The following DPYSL3 variants were observed in gnomAD, a reference collection of about 807,000 sequenced individuals.
The protein encoded by DPYSL3 is dihydropyrimidinase like 3.
In DPYSL3, 16 loss-of-function variants were observed where a neutral mutation model predicts 66.1. The ratio of observed to expected loss-of-function variants is 0.24; its 90% CI spans 0.16 to 0.37. The LOEUF is 0.37. DPYSL3 is among the 10% of genes least tolerant of loss of function. The pLI, the probability that DPYSL3 is intolerant of heterozygous loss-of-function variation, is 1.00. For synonymous variants in DPYSL3, 338 were observed against 345.1 expected, an observed-to-expected ratio of 0.98 and a Z score of 0.23; for missense variants, 738 against 916.2, an observed-to-expected ratio of 0.81 and a Z score of 2.51.
intron 11 of DPYSL3, among the ~76,000 whole-genome samples, chr5:147,398,812 C>T (rs1758075573): frequency 6.6e-6 from 1 of 152,166 alleles, no homozygotes; most frequent in African/African-American, 2.4e-5. Context: ...AGGTCATGTT[C>T]CCCTGTCTCA....
chr5:147,401,241 C>T (rs940988242), intron 9 of DPYSL3, among the ~76,000 whole-genome samples: 15 of 152,174 alleles, frequency 9.9e-5, no homozygotes, highest in African/African-American at 3.1e-4. Context: ...GAGTGCCTCA[C>T]TCATAAAGTT....
intron 3 of DPYSL3, among the ~76,000 whole-genome samples, chr5:147,416,775 T>C (rs1170408664): frequency 2.0e-5 from 3 of 152,222 alleles, no homozygotes; most frequent in African/African-American, 7.2e-5. Context: ...CAAGGATGTT[T>C]GCTACTTATT....
intron 3 of DPYSL3, among the ~76,000 whole-genome samples, chr5:147,416,429 G>A (rs1158936696): frequency 6.6e-6 from 1 of 152,162 alleles, no homozygotes; most frequent in African/African-American, 2.4e-5. Context: ...TACTGGGCCC[G>A]CAGATCTTAT....
intron 1 of DPYSL3, among the ~76,000 whole-genome samples, chr5:147,497,459 A>G (rs1753536595): frequency 6.6e-6 from 1 of 152,176 alleles, no homozygotes. Flanking sequence ...ATGAACAAAG[A>G]TGCAAAAATC....
intron 1 of DPYSL3, among the ~76,000 whole-genome samples, chr5:147,465,085 T>G (rs2126415508): frequency 6.6e-6 from 1 of 152,278 alleles, no homozygotes; most frequent in South Asian, 2.1e-4. Flanking sequence ...TTCCAGCTAC[T>G]TGGGAGGCTA....
rs944396722 is a variant in DPYSL3, at chr5:147,476,696, T to G, written c.381+32782A>C. 3.9e-5 allele frequency among the ~76,000 whole-genome samples: 6 copies of G among 152,220 alleles called. No homozygotes were observed. In the South Asian group the frequency reaches 6.2e-4, roughly 16 times the overall value. On this transcript the variant is annotated intron_variant, in intron 1 of 13. Coordinates refer to ENST00000343218, the MANE Select transcript of DPYSL3 (RefSeq NM_001197294.2). ...GTGATGACATGGAGCTTATTTTTCTTGGCCAATGTTCTTGATGGAGTATTG... is the reference window on the plus strand; with the variant it reads ...GTGATGACATGGAGCTTATTTTTCTGGGCCAATGTTCTTGATGGAGTATTG...
chr5:147,409,265 T>C (rs1424574702), intron 6 of DPYSL3, among the ~76,000 whole-genome samples: 1 of 152,258 alleles, frequency 6.6e-6, no homozygotes, highest in Non-Finnish European at 1.5e-5. Flanking sequence ...AATTTAGTGC[T>C]ATGTTTCCCG....
chr5:147,495,672 C>A (rs1753490408), intron 1 of DPYSL3, among the ~76,000 whole-genome samples: 1 of 152,080 alleles, frequency 6.6e-6, no homozygotes, highest in African/African-American at 2.4e-5. Context: ...AATAAAATAC[C>A]TAGGAATCCA....
chr5:147,466,589 C>T (rs2126417691), intron 1 of DPYSL3, among the ~76,000 whole-genome samples: 1 of 152,294 alleles, frequency 6.6e-6, no homozygotes, highest in South Asian at 2.1e-4. Context: ...AATGGAAGCA[C>T]ATGTGATTGA....
At chr5:147,474,039 T>C (rs1251013881) in intron 1 of DPYSL3, among the ~76,000 whole-genome samples, 5 of 152,140 alleles carry the variant, frequency 3.3e-5, no homozygotes, top group Non-Finnish European at 7.4e-5. Flanking sequence ...TTTTCTATCC[T>C]GGCTACATAA....
At chr5:147,436,694 G>C (rs967264089) in intron 1 of DPYSL3, among the ~76,000 whole-genome samples, 13 of 152,230 alleles carry the variant, frequency 8.5e-5, no homozygotes, top group Non-Finnish European at 1.6e-4. Context: ...CTGTGGTCCA[G>C]TGTGACAGGA....
At chr5:147,443,196 C>T (rs990105867) in intron 1 of DPYSL3, among the ~76,000 whole-genome samples, 6 of 152,108 alleles carry the variant, frequency 3.9e-5, no homozygotes, top group African/African-American at 1.2e-4. Context: ...CACATGCACA[C>T]GTATGTTTAT....
chr5:147,444,179 A>G (rs1317199606), intron 1 of DPYSL3, among the ~76,000 whole-genome samples: 2 of 152,178 alleles, frequency 1.3e-5, no homozygotes, highest in Non-Finnish European at 1.5e-5. Context: ...CGTGGGGTTA[A>G]GAATGGGGGC....
intron 8 of DPYSL3, among the ~76,000 whole-genome samples, chr5:147,404,982 G>T (rs1475564979): frequency 9.9e-5 from 15 of 152,258 alleles, no homozygotes; most frequent in African/African-American, 3.6e-4. Context: ...CAGTCACAGT[G>T]CTCCTAGGGA....
At chr5:147,432,494 A>C (rs1752333094) in intron 1 of DPYSL3, among the ~76,000 whole-genome samples, 2 of 152,146 alleles carry the variant, frequency 1.3e-5, no homozygotes, top group South Asian at 4.1e-4. Context: ...TGGATGGGGG[A>C]ATGGACTGTG....
At chr5:147,458,185 AC>A (rs1425242988) in intron 1 of DPYSL3, among the ~76,000 whole-genome samples, 1 of 152,186 alleles carries the variant, frequency 6.6e-6, no homozygotes, top group Non-Finnish European at 1.5e-5. Context: ...ATTCTAAGTC[AC>A]AGGATGAGAG....
intron 1 of DPYSL3, among the ~76,000 whole-genome samples, chr5:147,498,949 G>T (rs1753562967): frequency 6.6e-6 from 1 of 152,022 alleles, no homozygotes; most frequent in African/African-American, 2.4e-5. Context: ...ATTAAGTTTT[G>T]CTTTCATTGC....
chr5:147,399,222 C>T lies in DPYSL3; in HGVS notation c.1483G>A (p.Val495Met), dbSNP rs1758094351. 1 of 1,614,094 alleles carries T rather than the reference C, an allele frequency of 6.2e-7. No individual in the cohort carries two copies. Among genetic ancestry groups the T allele is most frequent in the Non-Finnish European group, 8.5e-7 (1 of 1,179,984 alleles). Residue 495 changes from valine to methionine, a missense_variant, in exon 11 of 14, where the codon GTG (valine) becomes ATG (methionine). Val to Met is a conservative substitution (Grantham distance 21). Transcript: ENST00000343218. ...ATGKMDENQF[V>M]AVTSTNAAKI... ...GCAGCGTTTGTGCTTGTCACAGCCA[C>T]GAACTGGTTTTCGTCCATTTTCCCT...
chr5:147,485,916 G>A lies in DPYSL3; in HGVS notation c.381+23562C>T, dbSNP rs1432850. 5.7e-3 allele frequency among the ~76,000 whole-genome samples: 869 copies of A among 152,236 alleles called. 28 individuals carry two copies. Among genetic ancestry groups the A allele is most frequent in the Admixed American group, 0.048 (741 of 15,282 alleles). On this transcript the variant is annotated intron_variant, in intron 1 of 13. Coordinates refer to ENST00000343218, the MANE Select transcript of DPYSL3 (RefSeq NM_001197294.2). Reference sequence around the variant, plus strand: ...AGTGCTTTAAAAAGTGCCTGGCCCAGCACTATTCACAATAACCAAAAATGG... The same window carrying A: ...AGTGCTTTAAAAAGTGCCTGGCCCAACACTATTCACAATAACCAAAAATGG...
Sources: allele counts gnomAD v4.1 joint callset (sites outside exome capture counted in the v4.1 genomes callset), GRCh38; gene constraint gnomAD v4.1.1; transcripts MANE v1.5; gene names NCBI Gene and HGNC (gene_info 2026-07-23, HGNC 2026-07-21).